Variants in TAF2 observed in about 807,000 individuals in gnomAD.
TAF2 encodes TATA-box binding protein associated factor 2.
Under a neutral mutation model 138.5 loss-of-function variants are expected in TAF2, and 61 were observed. That is an observed-to-expected ratio of 0.44 (90% confidence interval 0.36 to 0.54). TAF2 has a LOEUF of 0.54. Among genes scored for constraint, TAF2 ranks in the 20% least tolerant of loss-of-function variants. The pLI is 0.00. For missense variants in TAF2, 1,090 were observed against 1,427.9 expected, an observed-to-expected ratio of 0.76 and a Z score of 3.81; for synonymous variants, 475 against 469.9, an observed-to-expected ratio of 1.01 and a Z score of -0.14.
At chr8:119,742,774 A>G (rs1819688283) in intron 24 of TAF2, 118 bp from the exon 25 acceptor site, 4 of 1,386,496 alleles carry the variant, frequency 2.9e-6, no homozygotes, top group African/African-American at 2.9e-5. Context: ...CATCCACAGT[A>G]AAATTCTAAC....
intron 6 of TAF2, 151 bp from the exon 7 acceptor site, chr8:119,797,997 G>T: frequency 1.3e-6 from 1 of 783,746 alleles, no homozygotes; most frequent in Non-Finnish European, 2.0e-6. Flanking sequence ...TGAAAATAGT[G>T]ATCACTTTTA....
intron 25 of TAF2, among the ~76,000 whole-genome samples, 200 bp from the exon 26 acceptor site, chr8:119,732,386 A>ATATAGTTCCT (rs1818936072): frequency 6.6e-6 from 1 of 152,206 alleles, no homozygotes; most frequent in Non-Finnish European, 1.5e-5. Flanking sequence ...GAAGTTGAAT[A>ATATAGTTCCT]TATAGTTCCT....
chr8:119,807,229 C>T (rs1013230978), intron 3 of TAF2, among the ~76,000 whole-genome samples: 17 of 152,090 alleles, frequency 1.1e-4, no homozygotes, highest in Non-Finnish European at 2.2e-4. Flanking sequence ...GCAGGCTCAC[C>T]GTTATATTCA....
chr8:119,827,275 C>T (rs1826162101), intron 2 of TAF2, among the ~76,000 whole-genome samples: 1 of 152,214 alleles, frequency 6.6e-6, no homozygotes, highest in Non-Finnish European at 1.5e-5. Flanking sequence ...CTCCCTGATG[C>T]TCACTTCCTG....
chr8:119,813,136 C>T (rs949615004), intron 3 of TAF2, among the ~76,000 whole-genome samples: 6 of 152,072 alleles, frequency 3.9e-5, no homozygotes, highest in African/African-American at 1.2e-4. Context: ...TTCATAATGG[C>T]CATTCTGGCT....
At chr8:119,805,425 G>T (rs1337758893) in intron 4 of TAF2, among the ~76,000 whole-genome samples, 2 of 152,006 alleles carry the variant, frequency 1.3e-5, no homozygotes, top group African/African-American at 4.8e-5. Flanking sequence ...ATTTTTCATG[G>T]CCAGGCGCAG....
chr8:119,793,583 TG>T (rs1823597281), intron 9 of TAF2, 132 bp from the exon 10 acceptor site: 1 of 712,386 alleles, frequency 1.4e-6, no homozygotes, highest in Admixed American at 2.6e-5. Flanking sequence ...ATAAGTGAAA[TG>T]TATTTAAAGA....
chr8:119,744,955 G>C (rs1819853734), intron 23 of TAF2: 1 of 456,244 alleles, frequency 2.2e-6, no homozygotes, highest in Admixed American at 2.3e-5. Context: ...GGGGACCCCA[G>C]TGGTGTATCA....
intron 10 of TAF2, 33 bp from the exon 11 acceptor site, chr8:119,791,492 C>A: frequency 6.2e-7 from 1 of 1,600,804 alleles, no homozygotes; most frequent in Non-Finnish European, 8.5e-7. Context: ...CCTAATACAG[C>A]AAATGTGACT....
chr8:119,825,985 C>T (rs1419438877), intron 2 of TAF2, among the ~76,000 whole-genome samples: 2 of 151,934 alleles, frequency 1.3e-5, no homozygotes, highest in African/African-American at 4.8e-5. Context: ...AGCCACCGTG[C>T]CTGGCCCTGA....
intron 20 of TAF2, among the ~76,000 whole-genome samples, chr8:119,758,376 A>AT (rs990448166): frequency 4.3e-4 from 65 of 152,124 alleles, no homozygotes; most frequent in African/African-American, 1.5e-3. Context: ...TCAATAATGT[A>AT]TTTTTTTACT....
intron 5 of TAF2, among the ~76,000 whole-genome samples, 171 bp downstream of exon 5, chr8:119,803,704 GAAA>G (rs1437177271): frequency 1.4e-5 from 2 of 142,788 alleles, no homozygotes; most frequent in South Asian, 4.4e-4. Flanking sequence ...AAAAAAAAAA[GAAA>G]AAAAAATTTT....
At chr8:119,820,038 A>T (rs1468813598) in intron 2 of TAF2, among the ~76,000 whole-genome samples, 2 of 152,228 alleles carry the variant, frequency 1.3e-5, no homozygotes, top group African/African-American at 4.8e-5. Flanking sequence ...CAGGAGCAGC[A>T]AATACATCAC....
chr8:119,795,746 GA>G lies in TAF2; in HGVS notation c.1092-116del. The G allele has an allele frequency of 1.7e-5, 17 of 976,162 alleles. No individual in the cohort carries two copies. In the South Asian group the frequency reaches 2.4e-4, roughly 14 times the overall value. 60.5% of individuals were successfully genotyped at this position (976,162 alleles called of 1,614,324 possible). A position where few individuals can be genotyped will look rare whatever the true frequency, so the allele number is the denominator to read the frequency against. On this transcript the variant is annotated intron_variant, in intron 8 of 25. Coordinates refer to ENST00000378164, the MANE Select transcript of TAF2 (RefSeq NM_003184.4). ...ATTTCCCTGCCTTCATAAAGAAAAT[GA>G]AAATTATTAACAAATTATCAGGTTT...
intron 18 of TAF2, among the ~76,000 whole-genome samples, chr8:119,771,477 C>A (rs1008169608): frequency 6.6e-5 from 10 of 152,108 alleles, no homozygotes; most frequent in African/African-American, 2.2e-4. Flanking sequence ...TTCAAGCAAT[C>A]TGCCCTCCTC....
rs1169329564 is a variant in TAF2 at position 119,762,664 on chromosome 8, T to C, written c.2365-56A>G. ...CAAAATTAACTCTTCTGATCAAAAT[T>C]AACAAAATAAAATTTGTATAATTAC... On this transcript the variant is annotated intron_variant, in intron 18 of 25. Transcript: ENST00000378164. 3 of 1,455,984 alleles carry C rather than the reference T, an allele frequency of 2.1e-6. No homozygotes were observed. In the African/African-American group the frequency reaches 4.3e-5, roughly 21 times the overall value. 90.2% of individuals were successfully genotyped at this position (1,455,984 alleles called of 1,614,324 possible).
chr8:119,743,282 T>C (rs1819728073), intron 24 of TAF2, among the ~76,000 whole-genome samples: 1 of 151,734 alleles, frequency 6.6e-6, no homozygotes, highest in African/African-American at 2.4e-5. Context: ...ATACCATTTC[T>C]TAAAAAATTC....
At chr8:119,762,876 A>G in intron 18 of TAF2, 1 of 297,004 alleles carries the variant, frequency 3.4e-6, no homozygotes, top group Non-Finnish European at 6.3e-6. Flanking sequence ...GGGTTAATGT[A>G]GGAGTTCTAG....
chr8:119,780,040 G>A (rs960502849), intron 17 of TAF2, among the ~76,000 whole-genome samples: 3 of 152,106 alleles, frequency 2.0e-5, no homozygotes, highest in South Asian at 2.1e-4. Context: ...CATAGTATCC[G>A]TTCTTATATC....
Sources: allele counts gnomAD v4.1 joint callset (sites outside exome capture counted in the v4.1 genomes callset), GRCh38; gene constraint gnomAD v4.1.1; transcripts MANE v1.5; gene names NCBI Gene and HGNC (gene_info 2026-07-23, HGNC 2026-07-21).